Variants in RTN4RL1 observed in about 807,000 individuals in gnomAD.
RTN4RL1 encodes the protein reticulon 4 receptor like 1, also known as reticulon-4 receptor-like 1.
A neutral mutation model predicts 25.6 loss-of-function variants in RTN4RL1; 7 were observed. That is an observed-to-expected ratio of 0.27 (90% CI 0.16 to 0.51). The LOEUF (loss-of-function observed/expected upper bound fraction) is 0.51, where lower values mean the gene tolerates loss of function less well. Ranked by LOEUF, RTN4RL1 falls within the 20% of genes least tolerant of loss-of-function variation. The probability of loss-of-function intolerance (pLI) is 0.97; values close to 1 mark genes in which losing one functional copy is unlikely to be tolerated. For missense variants in RTN4RL1, 500 were observed against 615.6 expected, an observed-to-expected ratio of 0.81 and a Z score of 1.99; for synonymous variants, 297 against 288.2, an observed-to-expected ratio of 1.03 and a Z score of -0.31.
chr17:1,990,872 T>G (rs774774083), intron 1 of RTN4RL1, among the ~76,000 whole-genome samples: 9 of 152,222 alleles, frequency 5.9e-5, no homozygotes, highest in Non-Finnish European at 1.2e-4. Context: ...AAAGTCTCTC[T>G]GAGCTGTGTC....
At chr17:2,011,886 A>G (rs112986643) in intron 1 of RTN4RL1, among the ~76,000 whole-genome samples, 122 of 152,256 alleles carry the variant, frequency 8.0e-4, no homozygotes, top group African/African-American at 2.8e-3. Context: ...GCATAGCCCA[A>G]GAAGTTCCCG....
Position 1,937,755 on chromosome 17 carries a change from C to T in RTN4RL1, c.67G>A (p.Gly23Ser). ...CACACACAGTCCCGTGGGCAGCCACCACCCAGGGGCAGCTCCGCAGCTACC... is the reference window on the plus strand; with the variant it reads ...CACACACAGTCCCGTGGGCAGCCACTACCCAGGGGCAGCTCCGCAGCTACC... The part of the protein sequence containing the change: ...LLVAAELPLG[G>S]GCPRDCVCYP... The change falls in exon 2 of 2, where the codon GGT (glycine) becomes AGT (serine). Residue 23 changes from glycine to serine, a missense_variant. Coordinates refer to ENST00000331238, the MANE Select transcript of RTN4RL1 (RefSeq NM_178568.4). 1 of 1,605,226 alleles carries T rather than the reference C, an allele frequency of 6.2e-7. No individual in the cohort carries two copies. The highest frequency in any genetic ancestry group is 1.1e-5 in the South Asian group (1 of 90,964).
intron 1 of RTN4RL1, among the ~76,000 whole-genome samples, chr17:1,971,929 T>A (rs1417640339): frequency 1.5e-5 from 2 of 134,840 alleles, no homozygotes; most frequent in Non-Finnish European, 3.1e-5. Context: ...GCCACTGCAC[T>A]CCAGCCTGGG....
At chr17:2,024,566 GCT>G (rs1165574878) in intron 1 of RTN4RL1, among the ~76,000 whole-genome samples, 1 of 152,148 alleles carries the variant, frequency 6.6e-6, no homozygotes, top group East Asian at 1.9e-4. Context: ...CAGGAGGCCG[GCT>G]CCCCTTCCAC....
At chr17:2,015,294 C>G (rs1248685939) in intron 1 of RTN4RL1, among the ~76,000 whole-genome samples, 1 of 152,136 alleles carries the variant, frequency 6.6e-6, no homozygotes, top group East Asian at 1.9e-4. Flanking sequence ...GCGGAAGAGG[C>G]AATTTCAGAC....
intron 1 of RTN4RL1, among the ~76,000 whole-genome samples, chr17:1,939,853 G>T (rs71359137): frequency 2.0e-5 from 3 of 152,114 alleles, no homozygotes; most frequent in Non-Finnish European, 2.9e-5. Context: ...GGAGGGCCAG[G>T]CAGCCATCTC....
At chr17:2,016,701 G>A (rs1285316101) in intron 1 of RTN4RL1, among the ~76,000 whole-genome samples, 2 of 152,226 alleles carry the variant, frequency 1.3e-5, no homozygotes. Flanking sequence ...GCGACAGGCG[G>A]CAGCAGGCGG....
chr17:2,015,278 G>A (rs1371186731), intron 1 of RTN4RL1, among the ~76,000 whole-genome samples: 2 of 152,312 alleles, frequency 1.3e-5, no homozygotes, highest in South Asian at 2.1e-4. Context: ...CCATGATGGG[G>A]AAATTGCGGA....
At chr17:2,011,390 C>G (rs2067047851) in intron 1 of RTN4RL1, among the ~76,000 whole-genome samples, 1 of 152,222 alleles carries the variant, frequency 6.6e-6, no homozygotes, top group Non-Finnish European at 1.5e-5. Flanking sequence ...GTCTGTAACA[C>G]GGTCCGACAG....
chr17:1,949,828 C>A (rs1439675177), intron 1 of RTN4RL1, among the ~76,000 whole-genome samples: 1 of 152,212 alleles, frequency 6.6e-6, no homozygotes, highest in Non-Finnish European at 1.5e-5. Context: ...AAGGAAGGGA[C>A]CTATCTTAGC....
At chr17:1,943,131 G>A (rs1266287282) in intron 1 of RTN4RL1, among the ~76,000 whole-genome samples, 7 of 152,186 alleles carry the variant, frequency 4.6e-5, no homozygotes, top group Non-Finnish European at 8.8e-5. Context: ...CAACCAAGGC[G>A]GACCCAGCCC....
chr17:1,947,999 G>A (rs1341592678), intron 1 of RTN4RL1, among the ~76,000 whole-genome samples: 3 of 152,166 alleles, frequency 2.0e-5, no homozygotes, highest in African/African-American at 7.2e-5. Context: ...AGTGTTACCA[G>A]AGGGAGCTGC....
At chr17:2,005,517 C>G (rs2066986739) in intron 1 of RTN4RL1, among the ~76,000 whole-genome samples, 1 of 152,220 alleles carries the variant, frequency 6.6e-6, no homozygotes, top group African/African-American at 2.4e-5. Flanking sequence ...GCCCTTTCCT[C>G]TGATGAGGAG....
rs1436605484 is a variant in RTN4RL1 at position 1,994,522 on chromosome 17, T to A, written c.13+30331A>T. On this transcript the variant is annotated intron_variant, in intron 1 of 1. Transcript: ENST00000331238. The surrounding 1 kb of genome is among the most constrained non-coding windows in gnomAD (Gnocchi z 4.3). ...TGCCAAGGGGCCTGCTCCATCCCCT[T>A]CCCACCAGCTTGCGAGCTTATCAAA... Among the ~76,000 whole-genome samples, 3 of 152,232 alleles carry A rather than the reference T, an allele frequency of 2.0e-5. No homozygotes were observed. The highest frequency in any genetic ancestry group is 6.5e-5 in the Admixed American group (1 of 15,292).
At chr17:1,996,918 G>A (rs1039754859) in intron 1 of RTN4RL1, among the ~76,000 whole-genome samples, 1 of 152,150 alleles carries the variant, frequency 6.6e-6, no homozygotes, top group Non-Finnish European at 1.5e-5. Flanking sequence ...CTGGTTGCTG[G>A]GGGCCCTGCC....
intron 1 of RTN4RL1, among the ~76,000 whole-genome samples, chr17:1,954,760 A>T (rs1351553491): frequency 6.6e-6 from 1 of 152,176 alleles, no homozygotes; most frequent in Admixed American, 6.5e-5. Context: ...TGGTACATAG[A>T]GGTCATCCTG....
At chr17:1,989,605 G>C (rs2066901126) in intron 1 of RTN4RL1, among the ~76,000 whole-genome samples, 1 of 151,966 alleles carries the variant, frequency 6.6e-6, no homozygotes. Context: ...ACAAAGTGTT[G>C]CTCTGTCGCC....
rs991918399 is a variant in RTN4RL1, at chr17:1,998,895, T to G, written c.13+25958A>C. Among the ~76,000 whole-genome samples, 1 of 151,450 alleles carries G rather than the reference T, an allele frequency of 6.6e-6. No homozygotes were observed. The highest frequency in any genetic ancestry group is 2.4e-5 in the African/African-American group (1 of 41,112). On this transcript the variant is annotated intron_variant, in intron 1 of 1. Coordinates refer to ENST00000331238, the MANE Select transcript of RTN4RL1 (RefSeq NM_178568.4). The surrounding 1 kb of genome is among the most constrained non-coding windows in gnomAD (Gnocchi z 4.9). ...AGCCCCTTTATTCTCTACGCGCTCATCCCACGCGCAGAACAGACACAGGCC... is the reference window on the plus strand; with the variant it reads ...AGCCCCTTTATTCTCTACGCGCTCAGCCCACGCGCAGAACAGACACAGGCC...
intron 1 of RTN4RL1, among the ~76,000 whole-genome samples, chr17:1,978,633 T>G (rs551315856): frequency 6.2e-3 from 910 of 146,204 alleles, no homozygotes; most frequent in Non-Finnish European, 7.2e-3. Flanking sequence ...ATCCGGAAAA[T>G]GGGGGGGGTG....
Sources: allele counts gnomAD v4.1 joint callset (sites outside exome capture counted in the v4.1 genomes callset), GRCh38; gene constraint gnomAD v4.1.1; non-coding constraint Gnocchi (gnomAD v3.1); transcripts MANE v1.5; gene names NCBI Gene and HGNC (gene_info 2026-07-23, HGNC 2026-07-21).